Variants in LHFPL3 observed in about 807,000 individuals in gnomAD.
LHFPL3 encodes the protein LHFPL tetraspan subfamily member 3 protein.
LHFPL3 carries 5 observed loss-of-function variants against 19.3 expected under a neutral mutation model. The ratio of observed to expected loss-of-function variants is 0.26; its 90% CI spans 0.14 to 0.54. The LOEUF (loss-of-function observed/expected upper bound fraction) is 0.54, where lower values mean the gene tolerates loss of function less well. LHFPL3 is among the 20% of genes least tolerant of loss of function. The pLI is 0.94. For missense variants in LHFPL3, 249 were observed against 307.4 expected (o/e 0.81, Z 1.42); for synonymous variants, 133 against 126.2 (o/e 1.05, Z -0.36).
intron 1 of LHFPL3, among the ~76,000 whole-genome samples, chr7:104,496,105 G>A (rs1164025389): frequency 6.6e-6 from 1 of 152,074 alleles, no homozygotes; most frequent in African/African-American, 2.4e-5. Context: ...ATCTCCTAAT[G>A]CTATCCCTCC....
chr7:104,579,975 C>A (rs1183877856), intron 1 of LHFPL3, among the ~76,000 whole-genome samples: 1 of 152,156 alleles, frequency 6.6e-6, no homozygotes, highest in African/African-American at 2.4e-5. Flanking sequence ...CAAAATTTAG[C>A]TCTTTGTAAT....
chr7:104,627,660 C>T (rs1267910075), intron 1 of LHFPL3, among the ~76,000 whole-genome samples: 3 of 152,158 alleles, frequency 2.0e-5, no homozygotes, highest in Non-Finnish European at 4.4e-5. Flanking sequence ...TTTGCTCAGC[C>T]CTCGTGAAGA....
chr7:104,667,512 G>C (rs1792379595), intron 1 of LHFPL3, among the ~76,000 whole-genome samples: 1 of 152,122 alleles, frequency 6.6e-6, no homozygotes, highest in Non-Finnish European at 1.5e-5. Flanking sequence ...TGCCCCAGCA[G>C]AATCAATGTT....
intron 2 of LHFPL3, among the ~76,000 whole-genome samples, chr7:104,886,180 G>A (rs1028711237): frequency 6.6e-6 from 1 of 152,166 alleles, no homozygotes; most frequent in Non-Finnish European, 1.5e-5. Flanking sequence ...GTCTGCCACT[G>A]TATCCCCACA....
chr7:104,425,772 T>C (rs1791832914), intron 1 of LHFPL3, among the ~76,000 whole-genome samples: 1 of 152,214 alleles, frequency 6.6e-6, no homozygotes. Context: ...TAGGAGAAGA[T>C]GAGTTGGTGA....
intron 1 of LHFPL3, among the ~76,000 whole-genome samples, chr7:104,331,549 T>A (rs1029662285): frequency 1.3e-5 from 2 of 152,190 alleles, no homozygotes; most frequent in Non-Finnish European, 2.9e-5. Context: ...ATAGAAGATA[T>A]TTCTAAACAA....
rs1245944705 is a variant in LHFPL3, at chr7:104,736,835, C to A, written c.606C>A (p.Ile202=). The A allele has an allele frequency of 6.2e-7, 1 of 1,612,908 alleles. No homozygotes were observed. Among genetic ancestry groups the A allele is most frequent in the Admixed American group, 1.7e-5 (1 of 59,872 alleles). ...TTATTGGAATTTTGGATGCCCTGATCCTCTCATTTCTAGCATTTGTGCTTG... is the reference window on the plus strand; with the variant it reads ...TTATTGGAATTTTGGATGCCCTGATACTCTCATTTCTAGCATTTGTGCTTG... ...LAIIGILDAL[I]LSFLAFVLGN... is the part of the protein sequence containing the mutation. Residue 202 remains isoleucine (I), a synonymous_variant, in exon 2 of 3, where the codon ATC becomes ATA. Coordinates refer to ENST00000424859, the MANE Select transcript of LHFPL3 (RefSeq NM_199000.3).
At chr7:104,467,485 GT>G (rs1238511842) in intron 1 of LHFPL3, among the ~76,000 whole-genome samples, 1 of 152,194 alleles carries the variant, frequency 6.6e-6, no homozygotes, top group Non-Finnish European at 1.5e-5. Flanking sequence ...GCACTGTAAA[GT>G]TTTGTGAAGT....
rs184539223 is a variant in LHFPL3 at position 104,810,364 on chromosome 7, C to T, written c.682+73453C>T. Among the ~76,000 whole-genome samples, 282 of 152,108 alleles carry T rather than the reference C, an allele frequency of 1.9e-3. 1 individual carries two copies. Among genetic ancestry groups the T allele is most frequent in the South Asian group, 3.7e-3 (18 of 4,820 alleles). ...AAAGCAAGATTAGAGGCAGAGGAAC[C>T]GGGGGAAAGGCTGCAAGGAATAGCC... On this transcript the variant is annotated intron_variant, in intron 2 of 2. Transcript: ENST00000424859.
chr7:104,775,849 TGTC>T (rs1239887315), intron 2 of LHFPL3, among the ~76,000 whole-genome samples: 4 of 73,506 alleles, frequency 5.4e-5, no homozygotes, highest in African/African-American at 5.2e-5. Flanking sequence ...AGTTCTTTTC[TGTC>T]TTTTTTTTTT....
intron 2 of LHFPL3, among the ~76,000 whole-genome samples, chr7:104,795,107 C>T (rs1397474783): frequency 6.6e-6 from 1 of 152,216 alleles, no homozygotes; most frequent in African/African-American, 2.4e-5. Flanking sequence ...CCTGCCTCAT[C>T]CCACTGAAAA....
intron 1 of LHFPL3, among the ~76,000 whole-genome samples, chr7:104,563,572 G>T (rs548835088): frequency 6.6e-6 from 1 of 152,200 alleles, no homozygotes; most frequent in South Asian, 2.1e-4. Context: ...ACTGACCTGC[G>T]CCCACTGTCT....
chr7:104,378,561 A>G (rs183844717), intron 1 of LHFPL3, among the ~76,000 whole-genome samples: 20 of 152,328 alleles, frequency 1.3e-4, no homozygotes, highest in African/African-American at 4.3e-4. Context: ...TAAACACATA[A>G]GAGTAGAATT....
chr7:104,607,517 A>G (rs373060572), intron 1 of LHFPL3, among the ~76,000 whole-genome samples: 4 of 152,214 alleles, frequency 2.6e-5, no homozygotes, highest in South Asian at 2.1e-4. Flanking sequence ...TATTTCCTCT[A>G]TAAGTCATCA....
chr7:104,366,438 G>A (rs1562876201), intron 1 of LHFPL3, among the ~76,000 whole-genome samples: 1 of 152,188 alleles, frequency 6.6e-6, no homozygotes, highest in Non-Finnish European at 1.5e-5. Context: ...AATAAATTAA[G>A]CTGAATATTA....
At chr7:104,894,092 G>A (rs1032346050) in intron 2 of LHFPL3, among the ~76,000 whole-genome samples, 3 of 152,140 alleles carry the variant, frequency 2.0e-5, no homozygotes, top group Non-Finnish European at 4.4e-5. Context: ...TTGTCTAGGG[G>A]TTAAATCTAA....
rs77911153 is a variant in LHFPL3, at chr7:104,542,684, A to C, written c.446-193991A>C. 6.2e-3 allele frequency among the ~76,000 whole-genome samples: 951 copies of C among 152,268 alleles called. 13 individuals carry two copies. The highest frequency in any genetic ancestry group is 0.022 in the African/African-American group (916 of 41,552). On this transcript the variant is annotated intron_variant, in intron 1 of 2. Transcript: ENST00000424859. ...AGGTGAGAAGTTGCTAAAACCACCC[A>C]GTGCATGGGGGGAGAGAAAAGACAA...
intron 2 of LHFPL3, among the ~76,000 whole-genome samples, chr7:104,827,349 T>C (rs1790844906): frequency 6.6e-6 from 1 of 152,066 alleles, no homozygotes; most frequent in African/African-American, 2.4e-5. Flanking sequence ...AAAAGCTTCC[T>C]AAGGGAGAAA....
At chr7:104,689,176 G>A (rs902034850) in intron 1 of LHFPL3, among the ~76,000 whole-genome samples, 1 of 152,144 alleles carries the variant, frequency 6.6e-6, no homozygotes, top group Non-Finnish European at 1.5e-5. Flanking sequence ...AGTTTAGAGT[G>A]GGAACTGCAC....
Sources: allele counts gnomAD v4.1 joint callset (sites outside exome capture counted in the v4.1 genomes callset), GRCh38; gene constraint gnomAD v4.1.1; transcripts MANE v1.5; gene names NCBI Gene and HGNC (gene_info 2026-07-23, HGNC 2026-07-21).